AHR: variants seen among roughly 807,000 people sequenced by gnomAD.
AHR encodes the protein AH-receptor.
In AHR, 40 loss-of-function variants were observed where a neutral mutation model predicts 86.8. The ratio of observed to expected loss-of-function variants is 0.46; its 90% CI spans 0.36 to 0.60. The LOEUF (loss-of-function observed/expected upper bound fraction) is 0.60, where lower values mean the gene tolerates loss of function less well. Among genes scored for constraint, AHR ranks in the 20% least tolerant of loss-of-function variants. The pLI, the probability that AHR is intolerant of heterozygous loss-of-function variation, is 0.00. For synonymous variants in AHR, 398 were observed against 354.9 expected (o/e 1.12, Z -1.37); for missense variants, 1,001 against 1,011.6 (o/e 0.99, Z 0.14).
rs1782267175 is a variant in AHR at position 17,329,840 on chromosome 7, C to T, written c.451-112C>T. ...AGGGAATTTTAGGAATCATTCAATT[C>T]GTATTCATCACCACTAGCAAGCACC... On this transcript the variant is annotated intron_variant, in intron 4 of 10. Transcript: ENST00000242057. 14 of 896,812 alleles carry T rather than the reference C, an allele frequency of 1.6e-5. No individual in the cohort carries two copies. The South Asian group carries it at 2.0e-4, about 13-fold the overall frequency. The allele number at this position is 896,812 out of a possible 1,614,324, so 55.6% of individuals were successfully genotyped here.
At chr7:17,313,291 T>G (rs954179152) in intron 2 of AHR, among the ~76,000 whole-genome samples, 2 of 152,166 alleles carry the variant, frequency 1.3e-5, no homozygotes, top group East Asian at 3.9e-4. Context: ...TAACAATGAT[T>G]AGGATTTTTG....
At position 17,334,994 on chromosome 7, in the gene AHR, G is replaced by A. The variant is rs1782339624; in HGVS notation, c.1016G>A (p.Arg339Gln). The part of the protein sequence containing the change: ...DMLYCAESHI[R>Q]MIKTGESGMI... ...CTTTATTGTGCCGAGTCCCATATCC[G>A]AAGTAAGTTGTAGTTCCTTATGAAC... is the stretch of plus-strand genomic sequence containing the variant. The change falls in exon 8 of 11, where the codon CGA becomes CAA. Residue 339 changes from arginine to glutamine, a missense_variant and splice_region_variant. Arg to Gln is a conservative substitution (Grantham distance 43, BLOSUM62 1). Around this residue, in one of 2 missense-constraint regions of AHR, gnomAD observed 394 missense variants for 468.5 expected, o/e 0.84. Transcript: ENST00000242057. 7 of 1,610,472 alleles carry A rather than the reference G, an allele frequency of 4.3e-6. No homozygotes were observed. Among genetic ancestry groups the A allele is most frequent in the South Asian group, 2.2e-5 (2 of 90,784 alleles).
At chr7:17,308,306 G>A (rs1276242345) in intron 1 of AHR, among the ~76,000 whole-genome samples, 1 of 151,958 alleles carries the variant, frequency 6.6e-6, no homozygotes, top group Non-Finnish European at 1.5e-5. Flanking sequence ...ATGAAATCCT[G>A]TCCCTCACTC....
At position 17,310,096 on chromosome 7, in the gene AHR, T is replaced by A; in HGVS notation, c.226T>A (p.Tyr76Asn). 6.2e-7 allele frequency: 1 copy of A among 1,613,902 alleles called. No homozygotes were observed. Among genetic ancestry groups the A allele is most frequent in the South Asian group, 1.1e-5 (1 of 91,066 alleles). ...KLSVLRLSVS[Y>N]LRAKSFFDVA... is the part of the protein sequence containing the mutation. Reference sequence around the variant, plus strand: ...TTCAGTTCTTAGGCTCAGCGTCAGTTACCTGAGAGCCAAGAGCTTCTTTGA... The same window carrying A: ...TTCAGTTCTTAGGCTCAGCGTCAGTAACCTGAGAGCCAAGAGCTTCTTTGA... Residue 76 changes from tyrosine (Y) to asparagine (N), a missense_variant, in exon 2 of 11, where the codon TAC becomes AAC. This residue lies in a region of AHR where 394 missense variants were observed against 468.5 expected (regional missense o/e 0.84). Transcript: ENST00000242057.
chr7:17,330,896 A>G lies in AHR; in HGVS notation c.705+10A>G. 4 of 1,610,246 alleles carry G rather than the reference A, an allele frequency of 2.5e-6. No individual in the cohort carries two copies. Among genetic ancestry groups the G allele is most frequent in the Non-Finnish European group, 3.4e-6 (4 of 1,177,810 alleles). On this transcript the variant is annotated intron_variant, in intron 6 of 10. Coordinates refer to ENST00000242057, the MANE Select transcript of AHR (RefSeq NM_001621.5). Reference sequence around the variant, plus strand: ...TTCATCTGGTTTTCTGGTAAGGTACAAAATTTTATGATACTGGCTTTTACT... The same window carrying G: ...TTCATCTGGTTTTCTGGTAAGGTACGAAATTTTATGATACTGGCTTTTACT...
Position 17,330,005 on chromosome 7 carries a change from T to A in AHR, c.504T>A (p.Ala168=), listed in dbSNP as rs374428849. The change falls in exon 5 of 11, where the codon GCT becomes GCA. Residue 168 remains alanine (A), a synonymous_variant. Coordinates refer to ENST00000242057, the MANE Select transcript of AHR (RefSeq NM_001621.5). ...VYELIHTEDR[A]EFQRQLHWAL... ...AACTTATCCATACCGAAGACCGAGC[T>A]GAATTTCAGCGTCAGCTACACTGGG... 50 of 1,611,528 alleles carry A rather than the reference T, an allele frequency of 3.1e-5. No homozygotes were observed. Among genetic ancestry groups the A allele is most frequent in the Non-Finnish European group, 3.1e-5 (36 of 1,178,094 alleles).
At chr7:17,299,554 C>T (rs992471569) in intron 1 of AHR, among the ~76,000 whole-genome samples, 9 of 152,240 alleles carry the variant, frequency 5.9e-5, no homozygotes, top group African/African-American at 1.9e-4. Context: ...CCATCCTCTT[C>T]CCCCGCACCA....
chr7:17,299,447 C>A, intron 1 of AHR, 118 bp downstream of exon 1: 2 of 1,170,942 alleles, frequency 1.7e-6, no homozygotes, highest in Non-Finnish European at 2.4e-6. Flanking sequence ...CCATTCCCGG[C>A]ACTGCCCGTG....
At chr7:17,335,620 A>G in intron 8 of AHR, 25 bp from the exon 9 acceptor site, 1 of 1,529,346 alleles carries the variant, frequency 6.5e-7, no homozygotes, top group Non-Finnish European at 8.8e-7. Context: ...GGGTTTGATA[A>G]TTTAATTTTT....
Position 17,322,542 on chromosome 7 carries a change from G to A in AHR, c.295G>A (p.Asp99Asn), listed in dbSNP as rs759677052. The change falls in exon 3 of 11, where the codon GAT becomes AAT. Residue 99 changes from aspartate to asparagine, a missense_variant. Around this residue, in one of 2 missense-constraint regions of AHR, gnomAD observed 394 missense variants for 468.5 expected, o/e 0.84. Transcript: ENST00000242057. ...SSPTERNGGQ[D>N]NCRAANFREG... is the part of the protein sequence containing the mutation. ...CCCTACTGAAAGAAACGGAGGCCAG[G>A]ATAACTGTAGAGCAGCAAATTTCAG... The A allele has an allele frequency of 5.6e-6, 9 of 1,612,832 alleles. No homozygotes were observed. Among genetic ancestry groups the A allele is most frequent in the Non-Finnish European group, 7.6e-6 (9 of 1,179,242 alleles).
At chr7:17,327,367 C>T (rs956957904) in intron 3 of AHR, among the ~76,000 whole-genome samples, 5 of 151,784 alleles carry the variant, frequency 3.3e-5, no homozygotes, top group Admixed American at 1.3e-4. Context: ...TATTAATGTT[C>T]CCAGTTTAAG....
At chr7:17,318,810 T>C (rs1251052598) in intron 2 of AHR, among the ~76,000 whole-genome samples, 5 of 152,190 alleles carry the variant, frequency 3.3e-5, no homozygotes, top group Non-Finnish European at 7.3e-5. Context: ...CCGATTAATG[T>C]GTCTTTTGTA....
At chr7:17,336,481 G>C (rs1003822779) in intron 9 of AHR, among the ~76,000 whole-genome samples, 3 of 152,022 alleles carry the variant, frequency 2.0e-5, no homozygotes, top group African/African-American at 7.2e-5. Context: ...GTGTCATTTT[G>C]TTTGTTTTGC....
intron 9 of AHR, among the ~76,000 whole-genome samples, chr7:17,338,550 C>T (rs1782381038): frequency 6.6e-6 from 1 of 151,936 alleles, no homozygotes; most frequent in African/African-American, 2.4e-5. Flanking sequence ...AGGTGAGGGT[C>T]TTGCCATGTT....
intron 1 of AHR, among the ~76,000 whole-genome samples, chr7:17,307,483 A>G (rs1782017474): frequency 6.6e-6 from 1 of 152,168 alleles, no homozygotes; most frequent in African/African-American, 2.4e-5. Flanking sequence ...CATAACAAGG[A>G]GGTTGTATGA....
At position 17,298,968 on chromosome 7, in the gene AHR, C is replaced by T. The variant is rs1334125088; in HGVS notation, c.-297C>T. ...GCCTCACCTGCGGGCATTGCCGCGCCGCCTCCGCCGGTGTAGACGGCACCT... is the reference window on the plus strand; with the variant it reads ...GCCTCACCTGCGGGCATTGCCGCGCTGCCTCCGCCGGTGTAGACGGCACCT... On this transcript the variant is annotated 5_prime_UTR_variant, in exon 1 of 11. Coordinates refer to ENST00000242057, the MANE Select transcript of AHR (RefSeq NM_001621.5). The T allele has an allele frequency of 9.0e-6, 4 of 442,128 alleles. No homozygotes were observed. The highest frequency in any genetic ancestry group is 1.6e-5 in the Non-Finnish European group (4 of 254,512). The allele number at this position is 442,128 out of a possible 1,614,324, so 27.4% of individuals were successfully genotyped here.
At chr7:17,321,787 C>T (rs956783447) in intron 2 of AHR, among the ~76,000 whole-genome samples, 1 of 151,906 alleles carries the variant, frequency 6.6e-6, no homozygotes, top group South Asian at 2.1e-4. Context: ...ATAAAGATAC[C>T]TGTGCACATC....
chr7:17,327,745 T>C lies in AHR; in HGVS notation c.361-14T>C. 6.6e-7 allele frequency: 1 copy of C among 1,509,002 alleles called. No homozygotes were observed. The highest frequency in any genetic ancestry group is 1.2e-5 in the South Asian group (1 of 81,684). The allele number at this position is 1,509,002 out of a possible 1,614,324, so 93.5% of individuals were successfully genotyped here. A position where few individuals can be genotyped will look rare whatever the true frequency, so the allele number is the denominator to read the frequency against. On this transcript the variant is annotated splice_polypyrimidine_tract_variant and intron_variant, in intron 3 of 10. Transcript: ENST00000242057. The stretch of plus-strand genomic sequence containing the variant: ...AAGTCATATTACTAATTTTAGAACT[T>C]CCTTTCCTTGTAGGCTCTGAATGGC...
rs373085152 is a variant in AHR at position 17,345,293 on chromosome 7, T to C, written c.*2229T>C. 24 of 150,988 alleles carry C rather than the reference T, an allele frequency of 1.6e-4. No homozygotes were observed. Among genetic ancestry groups the C allele is most frequent in the Admixed American group, 1.2e-3 (18 of 15,166 alleles). The allele number at this position is 150,988 out of a possible 1,614,324, so 9.4% of individuals were successfully genotyped here. A position where few individuals can be genotyped will look rare whatever the true frequency, so the allele number is the denominator to read the frequency against. On this transcript the variant is annotated 3_prime_UTR_variant, in exon 11 of 11. Coordinates refer to ENST00000242057, the MANE Select transcript of AHR (RefSeq NM_001621.5). The stretch of plus-strand genomic sequence containing the variant: ...GCCCCACTGCACTCCAGCCTGGCAA[T>C]AGACCGAGACTCCGTCTCCAAAAAA...
Sources: allele counts gnomAD v4.1 joint callset (sites outside exome capture counted in the v4.1 genomes callset), GRCh38; gene constraint gnomAD v4.1.1; regional missense constraint gnomAD v4.1.1; transcripts MANE v1.5; gene names NCBI Gene and HGNC (gene_info 2026-07-23, HGNC 2026-07-21).